LRRN1: variants seen among roughly 807,000 people sequenced by gnomAD.
The protein encoded by LRRN1 is leucine rich repeat neuronal 1.
In LRRN1, 14 loss-of-function variants were observed where a neutral mutation model predicts 45.8. The ratio of observed to expected loss-of-function variants is 0.31; its 90% CI spans 0.20 to 0.48. LRRN1 has a LOEUF of 0.48. Among genes scored for constraint, LRRN1 ranks in the 20% least tolerant of loss-of-function variants. LRRN1 has a pLI of 0.99. For missense variants in LRRN1, 789 were observed against 874.2 expected (o/e 0.90, Z 1.23); for synonymous variants, 359 against 330.1 (o/e 1.09, Z -0.95).
At chr3:3,842,792 G>A (rs113299314) in intron 1 of LRRN1, among the ~76,000 whole-genome samples, 105 of 152,276 alleles carry the variant, frequency 6.9e-4, no homozygotes, top group African/African-American at 2.3e-3. Flanking sequence ...TTTAGCAAGT[G>A]AATGGCCCAG....
At chr3:3,834,525 G>GACATATATATATATAT (rs750534210) in intron 1 of LRRN1, among the ~76,000 whole-genome samples, 656 of 27,294 alleles carry the variant, frequency 0.024, 42 homozygotes, top group African/African-American at 0.029. Flanking sequence ...GACAGAACAG[G>GACATATATATATATAT]ATATATATAT....
intron 1 of LRRN1, among the ~76,000 whole-genome samples, chr3:3,819,049 A>G (rs1693047049): frequency 1.3e-5 from 2 of 151,948 alleles, no homozygotes; most frequent in African/African-American, 4.8e-5. Context: ...ACTAGAAGGC[A>G]GTGGGGTGAT....
At chr3:3,830,801 AC>A (rs1693355122) in intron 1 of LRRN1, among the ~76,000 whole-genome samples, 1 of 152,174 alleles carries the variant, frequency 6.6e-6, no homozygotes, top group Non-Finnish European at 1.5e-5. Context: ...GTCAGAAAGC[AC>A]CCAGTTTATG....
In LRRN1 at chr3:3,846,531, A is replaced by G. The variant is rs1361664316; in HGVS notation, c.1890A>G (p.Thr630=). 3 of 1,614,194 alleles carry G rather than the reference A, an allele frequency of 1.9e-6. No individual in the cohort carries two copies. Among genetic ancestry groups the G allele is most frequent in the Non-Finnish European group, 2.5e-6 (3 of 1,180,024 alleles). ...AVDISDQETS[T]ALAAVMGSMF... is the part of the protein sequence containing the mutation. ...ACATCTCTGATCAAGAAACCAGTACAGCCCTTGCTGCAGTAATGGGGTCTA... is the reference window on the plus strand; with the variant it reads ...ACATCTCTGATCAAGAAACCAGTACGGCCCTTGCTGCAGTAATGGGGTCTA... The change falls in exon 2 of 2, where the codon ACA becomes ACG. Residue 630 remains threonine, a synonymous_variant. Transcript: ENST00000319331. The surrounding 1 kb of genome is among the most constrained non-coding windows in gnomAD (Gnocchi z 5.7).
intron 1 of LRRN1, among the ~76,000 whole-genome samples, chr3:3,813,836 CAGG>C (rs1180472440): frequency 2.0e-5 from 3 of 152,068 alleles, no homozygotes; most frequent in African/African-American, 7.2e-5. Context: ...GGGAGGGAAC[CAGG>C]AGGAGAAGTA....
At chr3:3,839,093 A>C (rs1167856230) in intron 1 of LRRN1, among the ~76,000 whole-genome samples, 2 of 152,050 alleles carry the variant, frequency 1.3e-5, no homozygotes, top group Non-Finnish European at 2.9e-5. Flanking sequence ...AATACCCTGA[A>C]GCTTTTTCCT....
intron 1 of LRRN1, chr3:3,827,503 T>G (rs1693249883): frequency 2.2e-6 from 1 of 456,506 alleles, no homozygotes; most frequent in Non-Finnish European, 4.4e-6. Context: ...TCTATTTTTC[T>G]TAAACTCTGT....
At chr3:3,839,985 T>A (rs1693612164) in intron 1 of LRRN1, among the ~76,000 whole-genome samples, 1 of 152,184 alleles carries the variant, frequency 6.6e-6, no homozygotes, top group South Asian at 2.1e-4. Flanking sequence ...CTTGTCTAAT[T>A]GCTGTGACTA....
chr3:3,848,595 T>G lies in LRRN1; in HGVS notation c.*1803T>G, dbSNP rs1693826723. On this transcript the variant is annotated 3_prime_UTR_variant, in exon 2 of 2. Coordinates refer to ENST00000319331, the MANE Select transcript of LRRN1 (RefSeq NM_020873.7). ...AAAAAAATCACTTTCTTCCCATTCT[T>G]AAGGGGTTTTGGCAAACAGAATTTC... Among the ~76,000 whole-genome samples, 1 of 152,120 alleles carries G rather than the reference T, an allele frequency of 6.6e-6. No individual in the cohort carries two copies. Among genetic ancestry groups the G allele is most frequent in the Admixed American group, 6.6e-5 (1 of 15,248 alleles).
intron 1 of LRRN1, among the ~76,000 whole-genome samples, chr3:3,815,869 T>G (rs746866869): frequency 6.6e-6 from 1 of 150,902 alleles, no homozygotes; most frequent in Non-Finnish European, 1.5e-5. Context: ...GCACTGCAAT[T>G]TACTCTAAAA....
intron 1 of LRRN1, among the ~76,000 whole-genome samples, chr3:3,818,803 C>T (rs1693039716): frequency 1.3e-5 from 2 of 152,236 alleles, no homozygotes; most frequent in South Asian, 2.1e-4. Flanking sequence ...GAACAGGTAC[C>T]TCTGTCTCCC....
chr3:3,831,898 A>G (rs1693379489), intron 1 of LRRN1, among the ~76,000 whole-genome samples: 1 of 152,088 alleles, frequency 6.6e-6, no homozygotes, highest in Admixed American at 6.6e-5. Flanking sequence ...GGGGTAGGAC[A>G]GTAAAGGTAT....
chr3:3,801,496 A>C (rs538361496), intron 1 of LRRN1, among the ~76,000 whole-genome samples: 1 of 152,308 alleles, frequency 6.6e-6, no homozygotes, highest in East Asian at 1.9e-4. Context: ...CTAGAGTAAA[A>C]GTGTTATTGG....
chr3:3,807,176 C>T (rs960901868), intron 1 of LRRN1, among the ~76,000 whole-genome samples: 2 of 152,128 alleles, frequency 1.3e-5, no homozygotes, highest in African/African-American at 4.8e-5. Context: ...CGCCCCCTAC[C>T]TAATGGCTTA....
Position 3,848,416 on chromosome 3 carries a change from T to C in LRRN1, c.*1624T>C, listed in dbSNP as rs3828415. On this transcript the variant is annotated 3_prime_UTR_variant, in exon 2 of 2. Coordinates refer to ENST00000319331, the MANE Select transcript of LRRN1 (RefSeq NM_020873.7). The stretch of plus-strand genomic sequence containing the variant: ...AGAACCCATTTGAAAATAAAGGTTG[T>C]TTCAAAAGGCAGCTGCCGCCAGGCA... Among the ~76,000 whole-genome samples the C allele has an allele frequency of 0.06, 9,056 of 152,180 alleles. 516 individuals are homozygous for C. Among genetic ancestry groups the C allele is most frequent in the East Asian group, 0.19 (999 of 5,166 alleles).
intron 1 of LRRN1, among the ~76,000 whole-genome samples, chr3:3,830,182 C>T (rs112781345): frequency 0.016 from 2,425 of 152,304 alleles, 58 homozygotes; most frequent in African/African-American, 0.054. Flanking sequence ...TTAAAAGCCT[C>T]CTCTGCTGAG....
chr3:3,835,056 AC>A (rs1431045858), intron 1 of LRRN1, among the ~76,000 whole-genome samples: 1 of 152,156 alleles, frequency 6.6e-6, no homozygotes, highest in Non-Finnish European at 1.5e-5. Flanking sequence ...ATCATAATTT[AC>A]ATGTATGAAC....
At chr3:3,834,525 G>GATATATATATATATATATGATAT (rs1553563062) in intron 1 of LRRN1, among the ~76,000 whole-genome samples, 2 of 27,310 alleles carry the variant, frequency 7.3e-5, no homozygotes, top group East Asian at 1.3e-3. Flanking sequence ...GACAGAACAG[G>GATATATATATATATATATGATAT]ATATATATAT....
At chr3:3,824,616 C>A (rs896330130) in intron 1 of LRRN1, among the ~76,000 whole-genome samples, 2 of 152,120 alleles carry the variant, frequency 1.3e-5, no homozygotes, top group African/African-American at 2.4e-5. Context: ...AAGCAAAGGT[C>A]AAAATGGAGG....
Sources: gnomAD v4.1 joint callset for allele counts (sites outside exome capture counted in the v4.1 genomes callset) on GRCh38, gnomAD v4.1.1 for gene constraint, Gnocchi (gnomAD v3.1) non-coding constraint, MANE v1.5 for transcripts, NCBI Gene and HGNC (gene_info 2026-07-23, HGNC 2026-07-21) for gene names.